The following PROKR1 variants were observed in gnomAD, a reference collection of about 807,000 sequenced individuals.
The protein encoded by PROKR1 is G protein-coupled receptor 73.
Under a neutral mutation model 22.8 loss-of-function variants are expected in PROKR1, and 21 were observed. That is an observed-to-expected ratio of 0.92 (90% confidence interval 0.65 to 1.32). PROKR1 has a LOEUF of 1.32. Ranked by LOEUF, PROKR1 falls within the 40% of genes most tolerant of loss-of-function variation. The probability of loss-of-function intolerance (pLI) is 0.00; values close to 1 mark genes in which losing one functional copy is unlikely to be tolerated. For synonymous variants in PROKR1, 193 were observed against 207.5 expected, an observed-to-expected ratio of 0.93 and a Z score of 0.60; for missense variants, 548 against 514.2, an observed-to-expected ratio of 1.07 and a Z score of -0.64.
rs1210826737 is a variant in PROKR1 at position 68,654,970 on chromosome 2, G to C, written c.576G>C (p.Leu192=). 2 of 1,613,588 alleles carry C rather than the reference G, an allele frequency of 1.2e-6. No homozygotes were observed. The highest frequency in any genetic ancestry group is 8.5e-7 in the Non-Finnish European group (1 of 1,179,988). The change falls in exon 3 of 3, where the codon CTG becomes CTC. Residue 192 remains leucine, a synonymous_variant. Coordinates refer to ENST00000303786, the MANE Select transcript of PROKR1 (RefSeq NM_138964.4). The stretch of plus-strand genomic sequence containing the variant: ...CCTTGGTGTGGACGGTGTCCATCCT[G>C]ATCGCCATCCCTTCCGCCTACTTCA... ...LIALVWTVSI[L]IAIPSAYFTT... is the part of the protein sequence containing the mutation.
Position 68,646,034 on chromosome 2 carries a change from C to G in PROKR1, c.213C>G (p.Gly71=). The G allele has an allele frequency of 6.2e-7, 1 of 1,614,274 alleles. No individual in the cohort carries two copies. Among genetic ancestry groups the G allele is most frequent in the Non-Finnish European group, 8.5e-7 (1 of 1,180,056 alleles). ...AKIVIGMALV[G]IMLVCGIGNF... ...TTGTCATTGGGATGGCCCTGGTGGG[C>G]ATCATGCTGGTCTGCGGCATTGGAA... Residue 71 remains glycine (G), a synonymous_variant, in exon 2 of 3, where the codon GGC becomes GGG. Coordinates refer to ENST00000303786, the MANE Select transcript of PROKR1 (RefSeq NM_138964.4).
Position 68,657,544 on chromosome 2 carries a change from A to C in PROKR1, c.*1968A>C, listed in dbSNP as rs954882351. 2.6e-5 allele frequency: 4 copies of C among 152,176 alleles called. No individual in the cohort carries two copies. Among genetic ancestry groups the C allele is most frequent in the African/African-American group, 9.7e-5 (4 of 41,432 alleles). 9.4% of individuals were successfully genotyped at this position (152,176 alleles called of 1,614,324 possible). On this transcript the variant is annotated 3_prime_UTR_variant, in exon 3 of 3. Transcript: ENST00000303786. ...TATCTTTGTGATACTAGAAGTGCTG[A>C]TCATCTTCCCATGACTGTTCCCAGC...
intron 2 of PROKR1, 54 bp downstream of exon 2, chr2:68,646,360 G>T: frequency 6.2e-7 from 1 of 1,601,894 alleles, no homozygotes; most frequent in Non-Finnish European, 8.5e-7. Context: ...AAGGGGCATT[G>T]GAATTGCCCC....
rs1417915693 is a variant in PROKR1 at position 68,654,978 on chromosome 2, T to A, written c.584T>A (p.Ile195Asn). The A allele has an allele frequency of 6.2e-7, 1 of 1,613,000 alleles. No individual in the cohort carries two copies. ...TGGACGGTGTCCATCCTGATCGCCATCCCTTCCGCCTACTTCACCACCGAG... is the reference window on the plus strand; with the variant it reads ...TGGACGGTGTCCATCCTGATCGCCAACCCTTCCGCCTACTTCACCACCGAG... ...LVWTVSILIA[I>N]PSAYFTTETV... is the part of the protein sequence containing the mutation. Residue 195 changes from isoleucine (I) to asparagine (N), a missense_variant, in exon 3 of 3, where the codon ATC becomes AAC. Transcript: ENST00000303786.
At chr2:68,645,639 A>AGTTTGT (rs1673158150) in intron 1 of PROKR1, 23 bp from the exon 2 acceptor site, 1 of 853,854 alleles carries the variant, frequency 1.2e-6, no homozygotes, top group Non-Finnish European at 1.8e-6. Flanking sequence ...ACATATAGCC[A>AGTTTGT]ACTGTTTGTA....
chr2:68,655,433 A>G lies in PROKR1; in HGVS notation c.1039A>G (p.Asn347Asp). 6.2e-7 allele frequency: 1 copy of G among 1,614,118 alleles called. No individual in the cohort carries two copies. Among genetic ancestry groups the G allele is most frequent in the Non-Finnish European group, 8.5e-7 (1 of 1,179,952 alleles). The change falls in exon 3 of 3, where the codon AAC becomes GAC. Residue 347 changes from asparagine to aspartate, a missense_variant. Physicochemically the swap from Asn to Asp is conservative, Grantham distance 23. Transcript: ENST00000303786. ...CACTCTGTGCTTCGTGACCGTCAAG[A>G]ACGACACCGTCAAGTACTTCAAAAA... is the stretch of plus-strand genomic sequence containing the variant. Reference protein sequence around the residue: ...INTLCFVTVKNDTVKYFKKIM... With the variant: ...INTLCFVTVKDDTVKYFKKIM...
chr2:68,655,524 A>C lies in PROKR1; in HGVS notation c.1130A>C (p.Lys377Thr). ...GGKSSADLDL[K>T]TIGMPATEEV... is the part of the protein sequence containing the mutation. Reference sequence around the variant, plus strand: ...AAGTCCAGTGCAGACCTGGACCTCAAGACAATTGGGATGCCTGCCACCGAA... The same window carrying C: ...AAGTCCAGTGCAGACCTGGACCTCACGACAATTGGGATGCCTGCCACCGAA... The change falls in exon 3 of 3, where the codon AAG (lysine) becomes ACG (threonine). Residue 377 changes from lysine to threonine, a missense_variant. Coordinates refer to ENST00000303786, the MANE Select transcript of PROKR1 (RefSeq NM_138964.4). 1 of 1,614,232 alleles carries C rather than the reference A, an allele frequency of 6.2e-7. No individual in the cohort carries two copies. The highest frequency in any genetic ancestry group is 8.5e-7 in the Non-Finnish European group (1 of 1,180,038).
In PROKR1 at chr2:68,656,855, T is replaced by A. The variant is rs1263878712; in HGVS notation, c.*1279T>A. On this transcript the variant is annotated 3_prime_UTR_variant, in exon 3 of 3. Coordinates refer to ENST00000303786, the MANE Select transcript of PROKR1 (RefSeq NM_138964.4). The stretch of plus-strand genomic sequence containing the variant: ...AGTCCTCAGCGTGAATGAAGTCATG[T>A]GATCCAGTGGCAGGGGATGCAGGTC... The A allele has an allele frequency of 6.6e-6, 1 of 152,236 alleles. No homozygotes were observed. The highest frequency in any genetic ancestry group is 2.4e-5 in the African/African-American group (1 of 41,440). 9.4% of individuals were successfully genotyped at this position (152,236 alleles called of 1,614,324 possible).
intron 2 of PROKR1, among the ~76,000 whole-genome samples, chr2:68,651,220 G>T (rs10210046): frequency 6.6e-6 from 1 of 151,834 alleles, no homozygotes; most frequent in Non-Finnish European, 1.5e-5. Context: ...AAAATTTACC[G>T]GGCATGGTGG....
At chr2:68,653,064 C>A in intron 2 of PROKR1, among the ~76,000 whole-genome samples, 1 of 152,162 alleles carries the variant, frequency 6.6e-6, no homozygotes, top group Non-Finnish European at 1.5e-5. Flanking sequence ...AGCAATGGAG[C>A]CAGTGAGAGC....
At position 68,655,430 on chromosome 2, in the gene PROKR1, A is replaced by G; in HGVS notation, c.1036A>G (p.Lys346Glu). The G allele has an allele frequency of 6.2e-7, 1 of 1,614,160 alleles. No individual in the cohort carries two copies. The highest frequency in any genetic ancestry group is 8.5e-7 in the Non-Finnish European group (1 of 1,179,962). ...CAACACTCTGTGCTTCGTGACCGTC[A>G]AGAACGACACCGTCAAGTACTTCAA... ...MINTLCFVTV[K>E]NDTVKYFKKI... is the part of the protein sequence containing the mutation. The change falls in exon 3 of 3, where the codon AAG (lysine) becomes GAG (glutamate). Residue 346 changes from lysine to glutamate, a missense_variant. By Grantham distance (56) the Lys-to-Glu change is moderately conservative (BLOSUM62 1). Transcript: ENST00000303786.
In PROKR1 at chr2:68,646,277, C is replaced by G; in HGVS notation, c.456C>G (p.Thr152=). ...YLRTVSLYVS[T]NALLAIAIDR... is the part of the protein sequence containing the mutation. ...GCACTGTCTCTCTCTATGTCTCCAC[C>G]AATGCCCTGCTGGCCATCGCCATTG... Residue 152 remains threonine (T), a synonymous_variant, in exon 2 of 3, where the codon ACC becomes ACG. Coordinates refer to ENST00000303786, the MANE Select transcript of PROKR1 (RefSeq NM_138964.4). 6.2e-7 allele frequency: 1 copy of G among 1,614,234 alleles called. No homozygotes were observed. Among genetic ancestry groups the G allele is most frequent in the Non-Finnish European group, 8.5e-7 (1 of 1,180,034 alleles).
rs1445204124 is a variant in PROKR1 at position 68,657,640 on chromosome 2, G to A, written c.*2064G>A. ...TATTCTCACGAGTGTGTAGGCTACA[G>A]CGTGGACTTGTCTTTTTCTTATTTA... On this transcript the variant is annotated 3_prime_UTR_variant, in exon 3 of 3. Coordinates refer to ENST00000303786, the MANE Select transcript of PROKR1 (RefSeq NM_138964.4). 1 of 152,182 alleles carries A rather than the reference G, an allele frequency of 6.6e-6. No homozygotes were observed. The highest frequency in any genetic ancestry group is 1.5e-5 in the Non-Finnish European group (1 of 68,042). 9.4% of individuals were successfully genotyped at this position (152,182 alleles called of 1,614,324 possible). A position where few individuals can be genotyped will look rare whatever the true frequency, so the allele number is the denominator to read the frequency against.
chr2:68,644,835 C>G (rs1016473995), intron 1 of PROKR1, among the ~76,000 whole-genome samples: 1 of 152,136 alleles, frequency 6.6e-6, no homozygotes, highest in Admixed American at 6.5e-5. Context: ...CTGACACCCC[C>G]CTAGACCCCT....
At position 68,646,136 on chromosome 2, in the gene PROKR1, C is replaced by A; in HGVS notation, c.315C>A (p.Ala105=). 6.2e-7 allele frequency: 1 copy of A among 1,610,342 alleles called. No individual in the cohort carries two copies. Among genetic ancestry groups the A allele is most frequent in the South Asian group, 1.1e-5 (1 of 90,592 alleles). Residue 105 remains alanine (A), a synonymous_variant, in exon 2 of 3, where the codon GCC becomes GCA. Transcript: ENST00000303786. ...NLTNLLIANL[A]ISDFLVAIVC... ...CCAACCTGCTCATCGCCAACCTGGC[C>A]ATCTCTGACTTCCTGGTGGCCATTG...
At position 68,646,006 on chromosome 2, in the gene PROKR1, A is replaced by G. The variant is rs749934385; in HGVS notation, c.185A>G (p.Lys62Arg). Reference sequence around the variant, plus strand: ...AATTCCAGGACGTTCTTTGCTGCCAAGATTGTCATTGGGATGGCCCTGGTG... The same window carrying G: ...AATTCCAGGACGTTCTTTGCTGCCAGGATTGTCATTGGGATGGCCCTGGTG... ...VTNSRTFFAA[K>R]IVIGMALVGI... Residue 62 changes from lysine (K) to arginine (R), a missense_variant, in exon 2 of 3, where the codon AAG becomes AGG. Transcript: ENST00000303786. 8 of 1,614,240 alleles carry G rather than the reference A, an allele frequency of 5.0e-6. No individual in the cohort carries two copies. The Admixed American group carries it at 5.0e-5, about 10-fold the overall frequency.
In PROKR1 at chr2:68,646,293, A is replaced by G. The variant is rs147256235; in HGVS notation, c.472A>G (p.Ile158Val). The G allele has an allele frequency of 7.0e-5, 113 of 1,614,108 alleles. No homozygotes were observed. The highest frequency in any genetic ancestry group is 9.2e-5 in the Non-Finnish European group (109 of 1,180,050). Reference protein sequence around the residue: ...LYVSTNALLAIAIDRYLAIVH... With the variant: ...LYVSTNALLAVAIDRYLAIVH... ...TGTCTCCACCAATGCCCTGCTGGCC[A>G]TCGCCATTGACAGGTGAGTGCAGCA... The change falls in exon 2 of 3, where the codon ATC (isoleucine) becomes GTC (valine). Residue 158 changes from isoleucine (I) to valine (V), a missense_variant. Physicochemically the swap from Ile to Val is conservative, Grantham distance 29 (BLOSUM62 3). Transcript: ENST00000303786.
Position 68,656,712 on chromosome 2 carries a change from G to A in PROKR1, c.*1136G>A, listed in dbSNP as rs1673480176. ...GGTATCCTCATCGATATGATTTGAG[G>A]GCAAGATATCCTTATTACTGGCACC... On this transcript the variant is annotated 3_prime_UTR_variant, in exon 3 of 3. Coordinates refer to ENST00000303786, the MANE Select transcript of PROKR1 (RefSeq NM_138964.4). The A allele has an allele frequency of 6.6e-6, 1 of 152,120 alleles. No individual in the cohort carries two copies. Among genetic ancestry groups the A allele is most frequent in the African/African-American group, 2.4e-5 (1 of 41,408 alleles). 9.4% of individuals were successfully genotyped at this position (152,120 alleles called of 1,614,324 possible). A position where few individuals can be genotyped will look rare whatever the true frequency, so the allele number is the denominator to read the frequency against.
intron 2 of PROKR1, among the ~76,000 whole-genome samples, chr2:68,651,430 G>A (rs566957101): frequency 2.6e-5 from 4 of 152,332 alleles, no homozygotes; most frequent in African/African-American, 9.6e-5. Context: ...ACAGGTATGG[G>A]TTTCCTTTTG....
Sources: allele counts gnomAD v4.1 joint callset (sites outside exome capture counted in the v4.1 genomes callset), GRCh38; gene constraint gnomAD v4.1.1; transcripts MANE v1.5; gene names NCBI Gene and HGNC (gene_info 2026-07-23, HGNC 2026-07-21).